SORCS3: variants seen among roughly 807,000 people sequenced by gnomAD.
SORCS3 encodes the protein VPS10 domain-containing receptor SorCS3.
Under a neutral mutation model 146.3 loss-of-function variants are expected in SORCS3, and 57 were observed. That is an observed-to-expected ratio of 0.39 (90% CI 0.31 to 0.49). The LOEUF (loss-of-function observed/expected upper bound fraction) is 0.49. Among genes scored for constraint, SORCS3 ranks in the 20% least tolerant of loss-of-function variants. The pLI is 0.92. For missense variants in SORCS3, 1,341 were observed against 1,575.5 expected, an observed-to-expected ratio of 0.85 and a Z score of 2.52; for synonymous variants, 653 against 618.5, an observed-to-expected ratio of 1.06 and a Z score of -0.83.
intron 14 of SORCS3, among the ~76,000 whole-genome samples, chr10:105,181,565 C>A (rs2056443135): frequency 6.6e-6 from 1 of 152,168 alleles, no homozygotes; most frequent in African/African-American, 2.4e-5. Context: ...AACACCGTAG[C>A]TTTGCAGGAG....
At chr10:105,177,057 G>A (rs1301430519) in intron 13 of SORCS3, among the ~76,000 whole-genome samples, 4 of 151,826 alleles carry the variant, frequency 2.6e-5, no homozygotes, top group Admixed American at 6.6e-5. Flanking sequence ...GTTTTTCAAT[G>A]ATAAGACATA....
chr10:104,673,450 T>TA (rs2015879982), intron 1 of SORCS3, among the ~76,000 whole-genome samples: 1 of 144,998 alleles, frequency 6.9e-6, no homozygotes, highest in East Asian at 2.0e-4. Context: ...GTGTGTGTAT[T>TA]TTTTGATGTT....
intron 1 of SORCS3, among the ~76,000 whole-genome samples, chr10:104,780,522 C>G (rs928036157): frequency 9.9e-5 from 15 of 152,230 alleles, no homozygotes; most frequent in African/African-American, 3.4e-4. Flanking sequence ...GTTCACTCTT[C>G]CAAATGGGCT....
chr10:104,845,539 A>C (rs573062509), intron 2 of SORCS3, among the ~76,000 whole-genome samples: 52 of 152,240 alleles, frequency 3.4e-4, no homozygotes, highest in African/African-American at 1.2e-3. Context: ...TTTGGATAGC[A>C]TTTTCATTCC....
intron 1 of SORCS3, among the ~76,000 whole-genome samples, chr10:104,645,557 G>A (rs1156309130): frequency 1.3e-5 from 2 of 152,218 alleles, no homozygotes; most frequent in Admixed American, 6.5e-5. Flanking sequence ...CGAAGTGGCA[G>A]CGATTTGCAG....
intron 13 of SORCS3, 30 bp from the exon 14 acceptor site, chr10:105,178,036 G>C: frequency 6.5e-7 from 1 of 1,532,980 alleles, no homozygotes; most frequent in South Asian, 1.1e-5. Context: ...ATTTTCAGCT[G>C]TCTTTTTTGT....
intron 5 of SORCS3, among the ~76,000 whole-genome samples, chr10:105,081,871 A>G (rs1462314850): frequency 6.6e-6 from 1 of 152,204 alleles, no homozygotes; most frequent in Non-Finnish European, 1.5e-5. Context: ...TACCCTCAGG[A>G]AGGCGAACAA....
chr10:105,141,784 T>C (rs993150898), intron 8 of SORCS3, among the ~76,000 whole-genome samples: 4 of 152,146 alleles, frequency 2.6e-5, no homozygotes, highest in Admixed American at 6.6e-5. Context: ...GGGCAGGTGA[T>C]AGGGAGCAGG....
chr10:105,027,480 A>G (rs1376814975), intron 4 of SORCS3, among the ~76,000 whole-genome samples: 1 of 152,170 alleles, frequency 6.6e-6, no homozygotes, highest in Non-Finnish European at 1.5e-5. Context: ...CTATATAATA[A>G]TGAGTGGATC....
intron 3 of SORCS3, among the ~76,000 whole-genome samples, chr10:104,944,755 T>C (rs2019352660): frequency 6.6e-6 from 1 of 152,212 alleles, no homozygotes; most frequent in African/African-American, 2.4e-5. Context: ...ACTGAGAAGA[T>C]GTAACTTGTT....
At chr10:105,018,275 A>G (rs1267418886) in intron 4 of SORCS3, among the ~76,000 whole-genome samples, 1 of 152,224 alleles carries the variant, frequency 6.6e-6, no homozygotes. Context: ...GTCTCTCAGT[A>G]ACTCTGGTGG....
intron 3 of SORCS3, among the ~76,000 whole-genome samples, chr10:104,927,879 A>G (rs1436470603): frequency 6.7e-6 from 1 of 150,296 alleles, no homozygotes; most frequent in Non-Finnish European, 1.5e-5. Context: ...CTCCGTCTGA[A>G]AAAAAAAAAA....
At chr10:105,126,995 C>T (rs558366731) in intron 7 of SORCS3, among the ~76,000 whole-genome samples, 2 of 152,266 alleles carry the variant, frequency 1.3e-5, no homozygotes, top group African/African-American at 4.8e-5. Context: ...CTCCATGACC[C>T]ATGGTACTTA....
Position 104,694,205 on chromosome 10 carries a change from A to G in SORCS3, c.627+52251A>G, listed in dbSNP as rs914467969. Among the ~76,000 whole-genome samples, 3 of 151,184 alleles carry G rather than the reference A, an allele frequency of 2.0e-5. No individual in the cohort carries two copies. The East Asian group carries it at 5.9e-4, about 30-fold the overall frequency. On this transcript the variant is annotated intron_variant, in intron 1 of 26. Transcript: ENST00000369701. ...GGCAGAGGGACATGCTTACCAACAT[A>G]AAATTCAGCCCAAGTTTTAAAGGTG...
At chr10:104,665,854 A>G (rs543085914) in intron 1 of SORCS3, 2 of 152,352 alleles carry the variant, frequency 1.3e-5, no homozygotes, top group African/African-American at 2.4e-5. Context: ...CTTTGGAGCA[A>G]TCAGACGCAC....
chr10:104,900,654 G>A (rs981604129), intron 2 of SORCS3, among the ~76,000 whole-genome samples: 2 of 152,070 alleles, frequency 1.3e-5, no homozygotes, highest in South Asian at 4.1e-4. Flanking sequence ...ACTTTGGGGG[G>A]CCGAGGTGGG....
At chr10:104,769,951 G>A (rs2133482942) in intron 1 of SORCS3, among the ~76,000 whole-genome samples, 1 of 152,248 alleles carries the variant, frequency 6.6e-6, no homozygotes, top group East Asian at 1.9e-4. Context: ...GGCAGTGTTG[G>A]CTGCCCGAGA....
chr10:105,030,593 T>A (rs2055259385), intron 4 of SORCS3, among the ~76,000 whole-genome samples: 1 of 134,362 alleles, frequency 7.4e-6, no homozygotes, highest in African/African-American at 3.2e-5. Context: ...ATGCTGAAGA[T>A]CCTTTTTTTT....
chr10:105,075,795 A>G (rs2055585094), intron 5 of SORCS3, among the ~76,000 whole-genome samples: 2 of 152,128 alleles, frequency 1.3e-5, no homozygotes, highest in Non-Finnish European at 2.9e-5. Flanking sequence ...AGGGATCCCT[A>G]GTCTCCTTAA....
Sources: allele counts gnomAD v4.1 joint callset (sites outside exome capture counted in the v4.1 genomes callset), GRCh38; gene constraint gnomAD v4.1.1; transcripts MANE v1.5; gene names NCBI Gene and HGNC (gene_info 2026-07-23, HGNC 2026-07-21).